The following SBF2 variants were observed in gnomAD, a reference collection of about 807,000 sequenced individuals.
SBF2 encodes the protein SET binding factor 2.
SBF2 carries 112 observed loss-of-function variants against 225.2 expected under a neutral mutation model. The ratio of observed to expected loss-of-function variants is 0.50; its 90% CI spans 0.43 to 0.58. SBF2 has a LOEUF of 0.58. Among genes scored for constraint, SBF2 ranks in the 20% least tolerant of loss-of-function variants. The pLI is 0.00. For missense variants in SBF2, 1,996 were observed against 2,206.2 expected, an observed-to-expected ratio of 0.90 and a Z score of 1.91; for synonymous variants, 763 against 773.3, an observed-to-expected ratio of 0.99 and a Z score of 0.22.
chr11:10,105,001 G>A (rs557283243), intron 2 of SBF2, among the ~76,000 whole-genome samples: 184 of 152,236 alleles, frequency 1.2e-3, no homozygotes, highest in Non-Finnish European at 2.1e-3. Flanking sequence ...CTAATATTTT[G>A]TTAAGGATAT....
chr11:10,296,285 T>A (rs1457196864), upstream of SBF2, among the ~76,000 whole-genome samples: 2 of 152,206 alleles, frequency 1.3e-5, no homozygotes, highest in African/African-American at 4.8e-5. Context: ...TTGTATATTG[T>A]GTTAGACTGT....
intron 16 of SBF2, among the ~76,000 whole-genome samples, chr11:9,948,645 T>C (rs1865694476): frequency 6.6e-6 from 1 of 152,176 alleles, no homozygotes; most frequent in Admixed American, 6.5e-5. Flanking sequence ...CTATAGGGTG[T>C]CTCTGTTGCC....
chr11:9,852,602 C>T (rs1857035443), intron 21 of SBF2, 74 bp downstream of exon 21: 2 of 1,075,932 alleles, frequency 1.9e-6, no homozygotes, highest in Non-Finnish European at 2.9e-6. Context: ...AACATCCTTT[C>T]CTGGCACACA....
At chr11:10,286,865 A>T (rs918212003) in intron 1 of SBF2, among the ~76,000 whole-genome samples, 1 of 152,262 alleles carries the variant, frequency 6.6e-6, no homozygotes, top group African/African-American at 2.4e-5. Context: ...TCTCACACAA[A>T]TAAGACACTT....
At chr11:9,909,951 T>G (rs1463269691) in intron 16 of SBF2, among the ~76,000 whole-genome samples, 1 of 152,188 alleles carries the variant, frequency 6.6e-6, no homozygotes, top group East Asian at 1.9e-4. Flanking sequence ...CTGAGGCTGT[T>G]GGGCAGAAAT....
chr11:9,787,438 G>A (rs1465651943), intron 36 of SBF2, among the ~76,000 whole-genome samples, 196 bp downstream of exon 36: 1 of 152,162 alleles, frequency 6.6e-6, no homozygotes, highest in East Asian at 1.9e-4. Flanking sequence ...TCACTGTGGT[G>A]AAGTGAGACA....
intron 2 of SBF2, among the ~76,000 whole-genome samples, chr11:10,053,019 A>ATGTG (rs766510736): frequency 1.3e-5 from 2 of 151,836 alleles, no homozygotes; most frequent in Non-Finnish European, 2.9e-5. Flanking sequence ...GTATGTATGT[A>ATGTG]TGTGTGTGTG....
At chr11:9,833,975 G>C (rs1265066682) in intron 26 of SBF2, among the ~76,000 whole-genome samples, 1 of 149,662 alleles carries the variant, frequency 6.7e-6, no homozygotes, top group Non-Finnish European at 1.5e-5. Flanking sequence ...TCTCCATGTT[G>C]GTCAGGCTGT....
At chr11:9,933,356 A>G (rs952583487) in intron 16 of SBF2, among the ~76,000 whole-genome samples, 4 of 152,202 alleles carry the variant, frequency 2.6e-5, no homozygotes, top group Non-Finnish European at 5.9e-5. Context: ...CAGAATATAC[A>G]TTCTTCTCAG....
chr11:9,849,646 T>G (rs1856786495), intron 22 of SBF2, among the ~76,000 whole-genome samples: 1 of 152,212 alleles, frequency 6.6e-6, no homozygotes, highest in Non-Finnish European at 1.5e-5. Context: ...ACAAAAAGGT[T>G]CAAGTATCTG....
chr11:10,136,698 T>A (rs1053096640), intron 2 of SBF2, among the ~76,000 whole-genome samples: 8 of 152,240 alleles, frequency 5.3e-5, no homozygotes, highest in Non-Finnish European at 1.0e-4. Context: ...AGGTAATTAA[T>A]GTCAAAAACT....
At chr11:10,240,725 C>T (rs1167167683) in intron 1 of SBF2, among the ~76,000 whole-genome samples, 1 of 152,098 alleles carries the variant, frequency 6.6e-6, no homozygotes, top group Non-Finnish European at 1.5e-5. Context: ...AATGATGTAA[C>T]TGGTTTGGGG....
At chr11:10,166,849 C>A (rs116394154) in intron 2 of SBF2, among the ~76,000 whole-genome samples, 3,296 of 152,078 alleles carry the variant, frequency 0.022, 93 homozygotes, top group African/African-American at 0.065. Flanking sequence ...GTAGTCCCAG[C>A]CACTCAGGAG....
At chr11:10,045,507 T>C (rs1949823113) in intron 2 of SBF2, among the ~76,000 whole-genome samples, 2 of 152,188 alleles carry the variant, frequency 1.3e-5, no homozygotes, top group East Asian at 1.9e-4. Flanking sequence ...TAGATTGAAA[T>C]AGAGATTTCT....
At chr11:10,173,564 G>A (rs1011718974) in intron 2 of SBF2, among the ~76,000 whole-genome samples, 26 of 152,356 alleles carry the variant, frequency 1.7e-4, no homozygotes, top group Middle Eastern at 3.4e-3. Context: ...CAAACTGCAA[G>A]GCGGCAGCGA....
At chr11:10,210,657 C>A (rs540560030) in intron 1 of SBF2, among the ~76,000 whole-genome samples, 15 of 152,122 alleles carry the variant, frequency 9.9e-5, no homozygotes, top group Non-Finnish European at 1.9e-4. Flanking sequence ...ACCAAGAACA[C>A]AGCAGACTCC....
At chr11:10,027,490 T>C (rs777098338) in intron 6 of SBF2, among the ~76,000 whole-genome samples, 2 of 152,018 alleles carry the variant, frequency 1.3e-5, no homozygotes, top group Non-Finnish European at 2.9e-5. Flanking sequence ...AGCAAGAGGG[T>C]AGAATTTCTG....
chr11:10,046,745 C>T (rs969326340), intron 2 of SBF2, among the ~76,000 whole-genome samples: 1 of 151,716 alleles, frequency 6.6e-6, no homozygotes, highest in African/African-American at 2.4e-5. Flanking sequence ...ACCACTGCTT[C>T]TCAATATTAT....
chr11:10,008,671 T>C (rs964184537), intron 6 of SBF2, among the ~76,000 whole-genome samples: 7 of 152,226 alleles, frequency 4.6e-5, no homozygotes, highest in African/African-American at 1.4e-4. Flanking sequence ...TTGCATGGCT[T>C]GCCCCCTCCA....
Sources: allele counts gnomAD v4.1 joint callset (sites outside exome capture counted in the v4.1 genomes callset), GRCh38; gene constraint gnomAD v4.1.1; transcripts MANE v1.5; gene names NCBI Gene and HGNC (gene_info 2026-07-23, HGNC 2026-07-21).